Variants in PLA2G4E observed in about 807,000 individuals in gnomAD.
PLA2G4E encodes phospholipase A2 group IVE.
PLA2G4E carries 84 observed loss-of-function variants against 109.1 expected under a neutral mutation model. The ratio of observed to expected loss-of-function variants is 0.77; its 90% CI spans 0.65 to 0.92. PLA2G4E has a LOEUF of 0.92. PLA2G4E is among the 40% of genes least tolerant of loss of function. The pLI is 0.00. For missense variants in PLA2G4E, 1,057 were observed against 1,076.6 expected, an observed-to-expected ratio of 0.98 and a Z score of 0.25; for synonymous variants, 469 against 436.1, an observed-to-expected ratio of 1.08 and a Z score of -0.94.
chr15:41,987,519 C>G, intron 16 of PLA2G4E, 144 bp from the exon 17 acceptor site: 1 of 722,714 alleles, frequency 1.4e-6, no homozygotes, highest in Non-Finnish European at 2.3e-6. Flanking sequence ...TCTCAAGGTC[C>G]TGGCACTGGG....
chr15:42,034,607 G>T (rs1348139761), intron 1 of PLA2G4E, among the ~76,000 whole-genome samples: 1 of 152,176 alleles, frequency 6.6e-6, no homozygotes, highest in Non-Finnish European at 1.5e-5. Context: ...CTCAGTGATT[G>T]GTTCAGGAAC....
At chr15:42,002,264 C>CAAAAAAAAAAA (rs71108143) in intron 6 of PLA2G4E, among the ~76,000 whole-genome samples, 21 of 73,216 alleles carry the variant, frequency 2.9e-4, no homozygotes, top group African/African-American at 1.2e-3. Flanking sequence ...GACCTTGTCT[C>CAAAAAAAAAAA]AAAAAAAAAA....
At chr15:42,045,688 G>A (rs761562805) in intron 1 of PLA2G4E, among the ~76,000 whole-genome samples, 36 of 152,118 alleles carry the variant, frequency 2.4e-4, no homozygotes, top group Non-Finnish European at 4.6e-4. Context: ...CATCCTTGCC[G>A]GGCATCTGAA....
At chr15:41,982,345 C>A (rs2068078672) in exon 20 of PLA2G4E, 1 of 152,202 alleles carries the variant, frequency 6.6e-6, no homozygotes, top group African/African-American at 2.4e-5. Context: ...CTTTGGGTTT[C>A]TCTGTGTCCC....
At chr15:42,036,900 G>T (rs1425576499) in intron 1 of PLA2G4E, among the ~76,000 whole-genome samples, 1 of 152,200 alleles carries the variant, frequency 6.6e-6, no homozygotes, top group African/African-American at 2.4e-5. Flanking sequence ...GGAAGTGCCT[G>T]CTCCCGTTGC....
At chr15:41,989,297 TC>T (rs2068200375) in intron 15 of PLA2G4E, 117 bp downstream of exon 15, 4 of 1,424,320 alleles carry the variant, frequency 2.8e-6, no homozygotes, top group Non-Finnish European at 3.8e-6. Context: ...TTGGGACCAC[TC>T]CTAGGATGAG....
intron 6 of PLA2G4E, among the ~76,000 whole-genome samples, chr15:42,001,664 A>C (rs1273913804): frequency 6.6e-6 from 1 of 152,142 alleles, no homozygotes; most frequent in African/African-American, 2.4e-5. Flanking sequence ...GGATGCATTT[A>C]ATTAAAATAG....
At chr15:42,007,729 C>T (rs754862518) in exon 3 of PLA2G4E, 3 of 1,611,604 alleles carry the variant, frequency 1.9e-6, no homozygotes, top group Non-Finnish European at 8.5e-7. Flanking sequence ...CATGTCTCAC[C>T]TTCACTCGGC....
Position 42,011,481 on chromosome 15 carries a change from G to C in PLA2G4E, c.256+2204C>G, listed in dbSNP as rs563683120. Among the ~76,000 whole-genome samples the C allele has an allele frequency of 9.2e-5, 14 of 152,352 alleles. No homozygotes were observed. In the East Asian group the frequency reaches 1.9e-3, roughly 21 times the overall value. ...TTCACGCCTGTAATCCCAGCATTTT[G>C]GGAGACTGAGACAGAGGATCACTTG... On this transcript the variant is annotated intron_variant, in intron 2 of 19. Transcript: ENST00000399518.
chr15:41,999,222 A>C (rs1042687927), intron 10 of PLA2G4E: 1 of 263,142 alleles, frequency 3.8e-6, no homozygotes, highest in Non-Finnish European at 7.2e-6. Context: ...GAATGTGAAA[A>C]GATACGCCAT....
At position 41,987,979 on chromosome 15, in the gene PLA2G4E, A is replaced by G. The variant is rs926378523; in HGVS notation, c.1831+70T>C. ...GAGGGAAAGCCGGGGGCCGCCCCCC[A>G]TCACCCAGCCATGAGGGAAAGCCGG... is the stretch of plus-strand genomic sequence containing the variant. On this transcript the variant is annotated intron_variant, in intron 16 of 19. Coordinates refer to ENST00000399518, the Ensembl canonical transcript of PLA2G4E. 15 of 1,018,270 alleles carry G rather than the reference A, an allele frequency of 1.5e-5. No homozygotes were observed. The East Asian group carries it at 2.2e-4, about 15-fold the overall frequency. 63.1% of individuals were successfully genotyped at this position (1,018,270 alleles called of 1,614,324 possible).
At position 41,994,901 on chromosome 15, in the gene PLA2G4E, C is replaced by T. The variant is rs548980110; in HGVS notation, c.1247+459G>A. 9.8e-5 allele frequency among the ~76,000 whole-genome samples: 15 copies of T among 152,374 alleles called. No individual in the cohort carries two copies. In the South Asian group the frequency reaches 2.9e-3, roughly 29 times the overall value. ...GTGCCTTCTGTGGGTAAGCTGACCT[C>T]ACCCTGGCCTCCCTGTGGGGGAACC... On this transcript the variant is annotated intron_variant, in intron 12 of 19. Coordinates refer to ENST00000399518, the Ensembl canonical transcript of PLA2G4E.
chr15:41,984,031 G>C, intron 19 of PLA2G4E, 57 bp from the exon 20 acceptor site: 3 of 1,481,598 alleles, frequency 2.0e-6, no homozygotes, highest in Non-Finnish European at 2.8e-6. Context: ...GGAATGACTT[G>C]TTTCCACATC....
chr15:41,985,943 C>T, exon 18 of PLA2G4E: 1 of 1,606,276 alleles, frequency 6.2e-7, no homozygotes, highest in Non-Finnish European at 8.5e-7. Context: ...AACGCAGTGT[C>T]CAGCAGGCAC....
chr15:42,007,810 C>T, exon 3 of PLA2G4E: 1 of 1,611,148 alleles, frequency 6.2e-7, no homozygotes, highest in Non-Finnish European at 8.5e-7. Context: ...TTGTCCTCAG[C>T]TTCTTCTGAG....
intron 1 of PLA2G4E, among the ~76,000 whole-genome samples, chr15:42,032,462 G>A (rs767575306): frequency 1.3e-5 from 2 of 152,240 alleles, no homozygotes; most frequent in Non-Finnish European, 2.9e-5. Context: ...TTCAGATCAC[G>A]TCCTGGGTTT....
At chr15:41,999,872 C>T (rs8029852) in intron 9 of PLA2G4E, 45 bp downstream of exon 9, 61,128 of 1,541,084 alleles carry the variant, frequency 0.04, 3,318 homozygotes, top group East Asian at 0.2. Flanking sequence ...CACAGGAGCT[C>T]CAGGGGAAGT....
intron 1 of PLA2G4E, among the ~76,000 whole-genome samples, chr15:42,029,730 A>G (rs372232870): frequency 9.2e-5 from 14 of 152,176 alleles, no homozygotes; most frequent in African/African-American, 3.1e-4. Flanking sequence ...TCCATCTGTA[A>G]AGTGGGAAGC....
intron 18 of PLA2G4E, among the ~76,000 whole-genome samples, chr15:41,985,402 C>T (rs1595554908): frequency 1.3e-5 from 2 of 152,208 alleles, no homozygotes; most frequent in African/African-American, 2.4e-5. Flanking sequence ...CCTCCTCTCT[C>T]GCCAGGCTTC....
Sources: gnomAD v4.1 joint callset for allele counts (sites outside exome capture counted in the v4.1 genomes callset) on GRCh38, gnomAD v4.1.1 for gene constraint, MANE v1.5 for transcripts, NCBI Gene and HGNC (gene_info 2026-07-23, HGNC 2026-07-21) for gene names.